Variants in ERC2 observed in about 807,000 individuals in gnomAD.
ERC2 encodes the protein ERC protein 2.
ERC2 carries 42 observed loss-of-function variants against 114.8 expected under a neutral mutation model. The observed-to-expected ratio is 0.37, with a 90% CI of 0.29 to 0.47. The LOEUF (loss-of-function observed/expected upper bound fraction) is 0.47. ERC2 is among the 20% of genes least tolerant of loss of function. The pLI, the probability that ERC2 is intolerant of heterozygous loss-of-function variation, is 0.99. For synonymous variants in ERC2, 454 were observed against 425.5 expected (o/e 1.07, Z -0.82); for missense variants, 939 against 1,150.7 (o/e 0.82, Z 2.66).
At chr3:55,833,871 T>C (rs571277866) in intron 14 of ERC2, among the ~76,000 whole-genome samples, 2 of 152,068 alleles carry the variant, frequency 1.3e-5, no homozygotes, top group Non-Finnish European at 1.5e-5. Flanking sequence ...ATCCATCTCA[T>C]GTGCAGAGAC....
intron 7 of ERC2, among the ~76,000 whole-genome samples, chr3:56,065,933 T>G (rs2076459462): frequency 6.6e-6 from 1 of 152,216 alleles, no homozygotes; most frequent in Non-Finnish European, 1.5e-5. Flanking sequence ...CACATTTTCT[T>G]TATCCAGTCT....
chr3:56,340,938 A>C (rs1444120220), intron 2 of ERC2, among the ~76,000 whole-genome samples: 1 of 152,182 alleles, frequency 6.6e-6, no homozygotes, highest in East Asian at 1.9e-4. Flanking sequence ...CAAAAGAAAA[A>C]AAAAGTATCT....
chr3:56,202,838 A>G (rs995544481), intron 3 of ERC2, among the ~76,000 whole-genome samples: 12 of 152,210 alleles, frequency 7.9e-5, no homozygotes, highest in African/African-American at 2.7e-4. Context: ...AGTTAATGAT[A>G]ATCACATACA....
At chr3:56,426,785 G>A (rs75534510) in intron 2 of ERC2, among the ~76,000 whole-genome samples, 8,816 of 152,174 alleles carry the variant, frequency 0.058, 516 homozygotes, top group East Asian at 0.31. Context: ...AGAGATAAAC[G>A]CTTGTCTTTT....
intron 12 of ERC2, among the ~76,000 whole-genome samples, chr3:55,951,058 C>A (rs781368836): frequency 1.3e-5 from 2 of 152,020 alleles, no homozygotes; most frequent in East Asian, 1.9e-4. Context: ...GAGAACAATG[C>A]GTGTAATTTC....
chr3:56,124,419 C>T (rs2079760795), intron 6 of ERC2, among the ~76,000 whole-genome samples: 2 of 152,196 alleles, frequency 1.3e-5, no homozygotes, highest in South Asian at 4.1e-4. Flanking sequence ...AAAGGACTGG[C>T]ACGAAGCACC....
chr3:56,233,887 T>G (rs1464075655), intron 3 of ERC2, among the ~76,000 whole-genome samples: 1 of 152,142 alleles, frequency 6.6e-6, no homozygotes, highest in Non-Finnish European at 1.5e-5. Flanking sequence ...CCAACCCTCT[T>G]GCCTCACTCT....
intron 3 of ERC2, among the ~76,000 whole-genome samples, chr3:56,217,739 T>A (rs1279203696): frequency 6.6e-6 from 1 of 152,206 alleles, no homozygotes; most frequent in Non-Finnish European, 1.5e-5. Context: ...CTTCAAACTA[T>A]GCTACAAGGC....
chr3:56,271,799 C>T (rs925324061), intron 3 of ERC2, among the ~76,000 whole-genome samples: 2 of 152,098 alleles, frequency 1.3e-5, no homozygotes, highest in African/African-American at 4.8e-5. Flanking sequence ...TCTATTGTTC[C>T]CTTCTTTGTG....
At chr3:56,065,900 A>G (rs961960874) in intron 7 of ERC2, among the ~76,000 whole-genome samples, 5 of 152,164 alleles carry the variant, frequency 3.3e-5, no homozygotes, top group Admixed American at 3.3e-4. Flanking sequence ...ATGGCTGCAT[A>G]GTATTCCATG....
chr3:55,706,861 C>T (rs748067729), intron 15 of ERC2, among the ~76,000 whole-genome samples: 12 of 152,166 alleles, frequency 7.9e-5, no homozygotes, highest in East Asian at 1.9e-4. Flanking sequence ...CATCACTTAG[C>T]GTGACAGAAC....
At chr3:55,697,926 T>A (rs568422947) in intron 16 of ERC2, among the ~76,000 whole-genome samples, 155 of 151,866 alleles carry the variant, frequency 1.0e-3, no homozygotes, top group Non-Finnish European at 1.8e-3. Flanking sequence ...GAGAACGAGT[T>A]GGTTTAGTTA....
intron 14 of ERC2, among the ~76,000 whole-genome samples, chr3:55,781,015 C>T (rs955260851): frequency 1.8e-4 from 27 of 152,188 alleles, no homozygotes; most frequent in Admixed American, 1.4e-3. Context: ...CAGTGACATC[C>T]GGGGCCTTAG....
At chr3:55,842,256 AT>A (rs1184183572) in intron 14 of ERC2, among the ~76,000 whole-genome samples, 1 of 152,156 alleles carries the variant, frequency 6.6e-6, no homozygotes, top group Non-Finnish European at 1.5e-5. Flanking sequence ...CAAAAAAAAG[AT>A]GATCAAAATC....
chr3:56,022,954 A>G (rs2073819542), intron 7 of ERC2, among the ~76,000 whole-genome samples: 1 of 152,170 alleles, frequency 6.6e-6, no homozygotes, highest in Non-Finnish European at 1.5e-5. Flanking sequence ...GAAAGGGGGT[A>G]AGAGAGGAGG....
At chr3:56,084,517 T>C (rs555157458) in intron 6 of ERC2, among the ~76,000 whole-genome samples, 1 of 152,194 alleles carries the variant, frequency 6.6e-6, no homozygotes, top group Admixed American at 6.5e-5. Context: ...ATAAGATATA[T>C]ATATGATAAG....
chr3:55,534,432 G>A (rs893833172), intron 17 of ERC2, among the ~76,000 whole-genome samples: 3 of 147,930 alleles, frequency 2.0e-5, no homozygotes, highest in Non-Finnish European at 3.0e-5. Context: ...GGTGGCTCCC[G>A]CCTGTAATCC....
chr3:55,618,632 G>A (rs1010314221), intron 17 of ERC2, among the ~76,000 whole-genome samples: 6 of 152,142 alleles, frequency 3.9e-5, no homozygotes, highest in Non-Finnish European at 8.8e-5. Flanking sequence ...CTTTTTAAGA[G>A]TCTATATATA....
At chr3:55,782,768 C>G (rs2069162298) in intron 14 of ERC2, among the ~76,000 whole-genome samples, 1 of 152,212 alleles carries the variant, frequency 6.6e-6, no homozygotes, top group African/African-American at 2.4e-5. Flanking sequence ...CCCTCTCCCC[C>G]ACATTCAGCC....
Sources: gnomAD v4.1 joint callset for allele counts (sites outside exome capture counted in the v4.1 genomes callset) on GRCh38, gnomAD v4.1.1 for gene constraint, MANE v1.5 for transcripts, NCBI Gene and HGNC (gene_info 2026-07-23, HGNC 2026-07-21) for gene names.